PTPRZ1: variants seen among roughly 807,000 people sequenced by gnomAD.
The protein encoded by PTPRZ1 is protein tyrosine phosphatase receptor type Z1, also known as receptor-type tyrosine-protein phosphatase zeta.
A neutral mutation model predicts 214.1 loss-of-function variants in PTPRZ1; 82 were observed. The observed-to-expected ratio is 0.38, with a 90% confidence interval of 0.32 to 0.46. PTPRZ1 has a LOEUF of 0.46. PTPRZ1 is among the 20% of genes least tolerant of loss of function. The pLI is 1.00. For synonymous variants in PTPRZ1, 945 were observed against 987.9 expected (o/e 0.96, Z 0.81); for missense variants, 2,603 against 2,748.7 (o/e 0.95, Z 1.19).
At chr7:121,903,672 T>C (rs1795034477) in intron 1 of PTPRZ1, among the ~76,000 whole-genome samples, 1 of 152,142 alleles carries the variant, frequency 6.6e-6, no homozygotes, top group Admixed American at 6.6e-5. Context: ...CTCACTTTGG[T>C]TTTTAAAAGT....
At chr7:121,956,913 C>T (rs767511312) in intron 2 of PTPRZ1, among the ~76,000 whole-genome samples, 1 of 151,886 alleles carries the variant, frequency 6.6e-6, no homozygotes, top group African/African-American at 2.4e-5. Context: ...TATGCTCCTT[C>T]CCCCCCAAAA....
intron 3 of PTPRZ1, among the ~76,000 whole-genome samples, chr7:121,968,920 A>G (rs1438846333): frequency 6.6e-6 from 1 of 152,170 alleles, no homozygotes; most frequent in African/African-American, 2.4e-5. Flanking sequence ...AATTATTTGA[A>G]CATAATAATT....
chr7:121,873,595 A>G, intron 1 of PTPRZ1, 38 bp downstream of exon 1: 1 of 1,608,844 alleles, frequency 6.2e-7, no homozygotes, highest in Non-Finnish European at 8.5e-7. Context: ...CAGCTCCGGG[A>G]TCGGTGGGAT....
At chr7:121,990,512 C>CTTTTTTTTTT (rs758696565) in intron 8 of PTPRZ1, among the ~76,000 whole-genome samples, 1 of 73,472 alleles carries the variant, frequency 1.4e-5, no homozygotes, top group Non-Finnish European at 2.5e-5. Flanking sequence ...TGAAAACTGT[C>CTTTTTTTTTT]TTTTTTTTTT....
At chr7:121,956,723 G>A (rs530826796) in intron 2 of PTPRZ1, among the ~76,000 whole-genome samples, 3 of 152,286 alleles carry the variant, frequency 2.0e-5, no homozygotes, top group African/African-American at 7.2e-5. Flanking sequence ...AAGGTGGAAA[G>A]GGAGAAGAAA....
intron 15 of PTPRZ1, among the ~76,000 whole-genome samples, chr7:122,032,768 T>C (rs1335519674): frequency 1.3e-5 from 2 of 152,182 alleles, no homozygotes; most frequent in African/African-American, 4.8e-5. Context: ...AGCCAATTTA[T>C]TTAATTCTAA....
chr7:121,904,683 A>G (rs1185367880), intron 1 of PTPRZ1, among the ~76,000 whole-genome samples: 7 of 152,156 alleles, frequency 4.6e-5, no homozygotes. Context: ...CTTATTTAGT[A>G]AGATTTGAAA....
At chr7:121,955,429 C>CTTTGTTTG (rs71172155) in intron 2 of PTPRZ1, among the ~76,000 whole-genome samples, 4,799 of 150,586 alleles carry the variant, frequency 0.032, 133 homozygotes, top group Non-Finnish European at 0.043. Context: ...TCCACCAGGG[C>CTTTGTTTG]TTTGTTTGTT....
chr7:122,057,947 A>AGTGT (rs553724896), intron 27 of PTPRZ1, among the ~76,000 whole-genome samples: 14 of 146,750 alleles, frequency 9.5e-5, no homozygotes, highest in East Asian at 4.0e-4. Flanking sequence ...TCATTCATAT[A>AGTGT]GTGTGTGTGT....
chr7:121,968,514 A>G (rs1215930565), intron 3 of PTPRZ1, among the ~76,000 whole-genome samples: 1 of 152,164 alleles, frequency 6.6e-6, no homozygotes, highest in Non-Finnish European at 1.5e-5. Flanking sequence ...GGATATGAAA[A>G]AAGCAATTGG....
At chr7:122,049,903 T>C (rs1466616536) in intron 23 of PTPRZ1, among the ~76,000 whole-genome samples, 1 of 152,158 alleles carries the variant, frequency 6.6e-6, no homozygotes, top group African/African-American at 2.4e-5. Flanking sequence ...TATAATAGTA[T>C]TGGAAAACGG....
chr7:122,012,586 A>T lies in PTPRZ1; in HGVS notation c.3540A>T (p.Val1180=). 1 of 1,613,248 alleles carries T rather than the reference A, an allele frequency of 6.2e-7. No individual in the cohort carries two copies. Among genetic ancestry groups the T allele is most frequent in the African/African-American group, 1.3e-5 (1 of 75,016 alleles). Residue 1180 remains valine (V), a synonymous_variant, in exon 12 of 30, where the codon GTA becomes GTT. Coordinates refer to ENST00000393386, the MANE Select transcript of PTPRZ1 (RefSeq NM_002851.3). ...YETSASFSTE[V]LLQPSFQASD... ...CCTCAGCTTCTTTTAGTACTGAAGT[A>T]TTGCTACAACCTTCCTTTCAGGCTT...
chr7:122,010,667 G>C lies in PTPRZ1; in HGVS notation c.1621G>C (p.Gly541Arg). The C allele has an allele frequency of 6.2e-7, 1 of 1,613,436 alleles. No homozygotes were observed. Among genetic ancestry groups the C allele is most frequent in the Non-Finnish European group, 8.5e-7 (1 of 1,179,486 alleles). Residue 541 changes from glycine (G) to arginine (R), a missense_variant, in exon 12 of 30, where the codon GGC becomes CGC. Transcript: ENST00000393386. ...VEGTSASLND[G>R]SKTVLRSPHM... ...AGGTACTTCAGCCTCTTTAAATGAT[G>C]GCTCTAAAACTGTTCTTAGATCTCC...
intron 14 of PTPRZ1, among the ~76,000 whole-genome samples, chr7:122,028,897 T>C (rs1799287006): frequency 1.3e-5 from 2 of 152,028 alleles, no homozygotes; most frequent in Admixed American, 1.3e-4. Context: ...GTGTATTATG[T>C]TAAAAACATA....
At chr7:122,002,146 C>T (rs1798346084) in intron 10 of PTPRZ1, among the ~76,000 whole-genome samples, 1 of 152,060 alleles carries the variant, frequency 6.6e-6, no homozygotes, top group African/African-American at 2.4e-5. Context: ...AAACAATCTT[C>T]CAAATTATTT....
chr7:122,050,828 A>T (rs555508383), intron 23 of PTPRZ1, among the ~76,000 whole-genome samples: 43 of 152,292 alleles, frequency 2.8e-4, no homozygotes, highest in African/African-American at 9.9e-4. Flanking sequence ...TTTTTCATTT[A>T]CCCGACTGTC....
At chr7:121,975,760 G>T (rs1039947935) in intron 4 of PTPRZ1, among the ~76,000 whole-genome samples, 1 of 152,090 alleles carries the variant, frequency 6.6e-6, no homozygotes, top group Non-Finnish European at 1.5e-5. Flanking sequence ...GTATTTTTTA[G>T]GTAGAAGCTG....
intron 29 of PTPRZ1, among the ~76,000 whole-genome samples, chr7:122,060,684 G>T (rs146548896): frequency 6.6e-6 from 1 of 152,162 alleles, no homozygotes; most frequent in Admixed American, 6.5e-5. Context: ...AGATCTTTCC[G>T]TAAAGAGGCA....
intron 1 of PTPRZ1, among the ~76,000 whole-genome samples, chr7:121,876,824 A>T (rs1794077681): frequency 6.6e-6 from 1 of 152,160 alleles, no homozygotes; most frequent in Admixed American, 6.5e-5. Context: ...TGCACTAGAG[A>T]TTCAAGATCT....
Sources: allele counts gnomAD v4.1 joint callset (sites outside exome capture counted in the v4.1 genomes callset), GRCh38; gene constraint gnomAD v4.1.1; transcripts MANE v1.5; gene names NCBI Gene and HGNC (gene_info 2026-07-23, HGNC 2026-07-21).